IL1RAPL1: variants seen among roughly 807,000 people sequenced by gnomAD.
IL1RAPL1 encodes the protein interleukin-1 receptor accessory protein-like 1.
A neutral mutation model predicts 48.4 loss-of-function variants in IL1RAPL1; 3 were observed. The observed-to-expected ratio is 0.06, with a 90% CI of 0.03 to 0.16. IL1RAPL1 has a LOEUF of 0.16. IL1RAPL1 is among the 10% of genes least tolerant of loss of function. The pLI is 1.00. For synonymous variants in IL1RAPL1, 185 were observed against 187.7 expected (o/e 0.99, Z 0.12); for missense variants, 349 against 530.6 (o/e 0.66, Z 3.36).
At chrX:28,798,796 G>A (rs958026590) in intron 2 of IL1RAPL1, among the ~76,000 whole-genome samples, 1 of 111,568 alleles carries the variant, frequency 9.0e-6, no homozygotes, top group Non-Finnish European at 1.9e-5. Context: ...ATGATAAAAG[G>A]TGCAGAGGGT....
At chrX:29,131,862 C>T (rs1602071831) in intron 2 of IL1RAPL1, among the ~76,000 whole-genome samples, 2 of 111,202 alleles carry the variant, frequency 1.8e-5, no homozygotes, top group East Asian at 2.8e-4. Flanking sequence ...CCTGCTATCC[C>T]CGTGCCCCAG....
intron 1 of IL1RAPL1, among the ~76,000 whole-genome samples, chrX:28,730,868 T>C (rs1454153716): frequency 8.9e-6 from 1 of 111,961 alleles, no homozygotes; most frequent in Admixed American, 9.5e-5. Context: ...TTAGTGTCAA[T>C]TACAGAAGTG....
intron 5 of IL1RAPL1, among the ~76,000 whole-genome samples, chrX:29,400,136 G>A (rs1308765320): frequency 8.9e-6 from 1 of 111,820 alleles, no homozygotes; most frequent in Non-Finnish European, 1.9e-5. Flanking sequence ...CATTTTCATA[G>A]CTGGTTGCTA....
At chrX:29,080,417 AT>A (rs1262030541) in intron 2 of IL1RAPL1, among the ~76,000 whole-genome samples, 2 of 111,082 alleles carry the variant, frequency 1.8e-5, no homozygotes, top group Non-Finnish European at 3.8e-5. Context: ...AAACAAAAAA[AT>A]AAAAAAGGGA....
intron 6 of IL1RAPL1, among the ~76,000 whole-genome samples, chrX:29,779,403 C>T (rs1482657204): frequency 9.0e-6 from 1 of 110,917 alleles, no homozygotes; most frequent in Non-Finnish European, 1.9e-5. Flanking sequence ...AGATCATGCA[C>T]ATGGACATAA....
At chrX:29,371,777 C>T (rs767823728) in intron 3 of IL1RAPL1, among the ~76,000 whole-genome samples, 84 of 112,355 alleles carry the variant, frequency 7.5e-4, no homozygotes, top group Non-Finnish European at 1.2e-3. Context: ...TGATTTCATT[C>T]TTTTTAATGG....
intron 1 of IL1RAPL1, among the ~76,000 whole-genome samples, chrX:28,588,732 A>G (rs886638847): frequency 5.3e-5 from 6 of 112,676 alleles, no homozygotes; most frequent in African/African-American, 1.9e-4. Flanking sequence ...TGGCTAACAT[A>G]GAGAAGAATA....
intron 2 of IL1RAPL1, among the ~76,000 whole-genome samples, chrX:28,936,202 C>T (rs960818049): frequency 3.6e-5 from 4 of 111,077 alleles, no homozygotes; most frequent in African/African-American, 1.3e-4. Context: ...TAGTTTGATA[C>T]TTTCTTACAT....
At chrX:29,114,765 G>A (rs1928643379) in intron 2 of IL1RAPL1, among the ~76,000 whole-genome samples, 1 of 110,305 alleles carries the variant, frequency 9.1e-6, no homozygotes, top group Admixed American at 9.7e-5. Context: ...GAGTAGCTGG[G>A]ATTACAGGCA....
chrX:29,435,425 A>G (rs751295917), intron 5 of IL1RAPL1, among the ~76,000 whole-genome samples: 4 of 111,007 alleles, frequency 3.6e-5, no homozygotes, highest in East Asian at 2.8e-4. Context: ...TACAATCCGT[A>G]TGTTTGTAGT....
intron 6 of IL1RAPL1, among the ~76,000 whole-genome samples, chrX:29,707,351 A>G (rs1394925367): frequency 1.8e-5 from 2 of 112,384 alleles, no homozygotes; most frequent in Admixed American, 1.9e-4. Flanking sequence ...AATGTAAACT[A>G]GTACAACCGC....
intron 3 of IL1RAPL1, 104 bp from the exon 4 acceptor site, chrX:29,396,154 C>T (rs1933916794): frequency 3.2e-6 from 2 of 618,120 alleles, no homozygotes; most frequent in Non-Finnish European, 5.3e-6. Context: ...ATTAGTTAAA[C>T]AGTGAAGTTT....
chrX:29,021,317 G>A (rs1345111362), intron 2 of IL1RAPL1, among the ~76,000 whole-genome samples: 1 of 108,847 alleles, frequency 9.2e-6, no homozygotes, highest in Admixed American at 9.8e-5. Flanking sequence ...ATTTATAGGA[G>A]GTTAAATTCA....
chrX:29,189,416 T>C (rs1287798341), intron 2 of IL1RAPL1, among the ~76,000 whole-genome samples: 2 of 111,865 alleles, frequency 1.8e-5, no homozygotes, highest in African/African-American at 6.5e-5. Context: ...TAGAACTCTT[T>C]AAATGTTATC....
At chrX:29,179,104 T>G (rs1044425704) in intron 2 of IL1RAPL1, among the ~76,000 whole-genome samples, 2 of 111,087 alleles carry the variant, frequency 1.8e-5, no homozygotes, top group Non-Finnish European at 3.8e-5. Context: ...CATATGAACT[T>G]TAAAGTAGTT....
intron 6 of IL1RAPL1, among the ~76,000 whole-genome samples, chrX:29,915,154 C>A (rs1439162569): frequency 9.0e-6 from 1 of 111,570 alleles, no homozygotes; most frequent in Non-Finnish European, 1.9e-5. Context: ...ATAAATTAGT[C>A]GGGCGTGGTG....
Position 29,715,430 on chromosome X carries a change from T to A in IL1RAPL1, c.778+46926T>A, listed in dbSNP as rs189689648. ...CACATTTCAAGGGCCATTCCTCTAA[T>A]CTAAATAGGAGCTTATTATTCCCTG... is the stretch of plus-strand genomic sequence containing the variant. On this transcript the variant is annotated intron_variant, in intron 6 of 10. Coordinates refer to ENST00000378993, the MANE Select transcript of IL1RAPL1 (RefSeq NM_014271.4). Among the ~76,000 whole-genome samples the A allele has an allele frequency of 3.5e-3, 387 of 111,642 alleles. 2 individuals carry two copies. Among genetic ancestry groups the A allele is most frequent in the South Asian group, 9.1e-3 (24 of 2,632 alleles).
In IL1RAPL1 at chrX:28,912,603, A is replaced by G. The variant is rs180691486; in HGVS notation, c.82+123178A>G. ...GTCTCCGTGTGTATATTTGTTGTGT[A>G]TGAGAAATTGAAACACATTTATGTA... On this transcript the variant is annotated intron_variant, in intron 2 of 10. Transcript: ENST00000378993. Among the ~76,000 whole-genome samples, 28 of 111,209 alleles carry G rather than the reference A, an allele frequency of 2.5e-4. 1 individual carries two copies. In the East Asian group the frequency reaches 7.9e-3, roughly 31 times the overall value.
At chrX:28,717,356 A>T (rs1236994428) in intron 1 of IL1RAPL1, among the ~76,000 whole-genome samples, 3 of 111,875 alleles carry the variant, frequency 2.7e-5, no homozygotes, top group African/African-American at 9.7e-5. Context: ...AGGGACATGG[A>T]TGGAACTGGA....
Sources: allele counts gnomAD v4.1 joint callset (sites outside exome capture counted in the v4.1 genomes callset), GRCh38; gene constraint gnomAD v4.1.1; transcripts MANE v1.5; gene names NCBI Gene and HGNC (gene_info 2026-07-23, HGNC 2026-07-21).